Variants in TAF4B observed in about 807,000 individuals in gnomAD.
TAF4B encodes TATA-box binding protein associated factor 4b, also known as transcription initiation factor TFIID subunit 4B.
Under a neutral mutation model 86.4 loss-of-function variants are expected in TAF4B, and 38 were observed. That is an observed-to-expected ratio of 0.44 (90% confidence interval 0.34 to 0.58). The LOEUF (loss-of-function observed/expected upper bound fraction) is 0.58, where lower values mean the gene tolerates loss of function less well. TAF4B is among the 20% of genes least tolerant of loss of function. The pLI is 0.02. For synonymous variants in TAF4B, 388 were observed against 391.2 expected, an observed-to-expected ratio of 0.99 and a Z score of 0.10; for missense variants, 988 against 1,027.6, an observed-to-expected ratio of 0.96 and a Z score of 0.53.
intron 9 of TAF4B, among the ~76,000 whole-genome samples, chr18:26,311,935 A>G (rs1444191455): frequency 6.6e-6 from 1 of 152,218 alleles, no homozygotes; most frequent in Non-Finnish European, 1.5e-5. Context: ...CAAAAGCTAA[A>G]GAATTAGATC....
chr18:26,379,192 G>T (rs1266663642), intron 14 of TAF4B, among the ~76,000 whole-genome samples: 1 of 152,090 alleles, frequency 6.6e-6, no homozygotes, highest in Non-Finnish European at 1.5e-5. Flanking sequence ...TTTTGGAGGA[G>T]CAGAAGGTTT....
chr18:26,250,822 TA>T (rs1182663731), intron 1 of TAF4B, among the ~76,000 whole-genome samples: 1 of 152,184 alleles, frequency 6.6e-6, no homozygotes, highest in Non-Finnish European at 1.5e-5. Flanking sequence ...AACCTATCCT[TA>T]AAAAATGAAA....
Position 26,227,297 on chromosome 18 carries a change from A to G in TAF4B, c.343+21A>G, listed in dbSNP as rs200837303. 6.9e-5 allele frequency: 110 copies of G among 1,600,036 alleles called. 1 individual carries two copies. In the East Asian group the frequency reaches 2.4e-3, roughly 35 times the overall value. Reference sequence around the variant, plus strand: ...TCCAGGTATGTTGATAACCCTTTCCAGCCTTGTCTGTCGGTCCAGCTGGCG... The same window carrying G: ...TCCAGGTATGTTGATAACCCTTTCCGGCCTTGTCTGTCGGTCCAGCTGGCG... On this transcript the variant is annotated intron_variant, in intron 1 of 14. Transcript: ENST00000269142.
intron 5 of TAF4B, among the ~76,000 whole-genome samples, chr18:26,277,954 G>A (rs1041818393): frequency 2.6e-5 from 4 of 152,184 alleles, no homozygotes; most frequent in Admixed American, 2.6e-4. Context: ...ATTTTGGCTG[G>A]AGAGCTTTAA....
intron 9 of TAF4B, among the ~76,000 whole-genome samples, chr18:26,313,405 T>C (rs904844072): frequency 4.6e-5 from 7 of 152,248 alleles, no homozygotes; most frequent in Admixed American, 4.6e-4. Context: ...TGTTTAAATC[T>C]GGACACATTG....
chr18:26,353,845 A>C (rs1341109233), intron 13 of TAF4B, among the ~76,000 whole-genome samples: 2 of 152,130 alleles, frequency 1.3e-5, no homozygotes, highest in African/African-American at 4.8e-5. Context: ...CAAAAGTTTT[A>C]ATTTTGATGC....
At chr18:26,243,528 C>T (rs779241748) in intron 1 of TAF4B, among the ~76,000 whole-genome samples, 2 of 152,120 alleles carry the variant, frequency 1.3e-5, no homozygotes, top group Non-Finnish European at 2.9e-5. Flanking sequence ...GTTCAAACAT[C>T]CTCCTTTAGC....
At chr18:26,246,725 G>C (rs988899750) in intron 1 of TAF4B, among the ~76,000 whole-genome samples, 2 of 151,950 alleles carry the variant, frequency 1.3e-5, no homozygotes, top group African/African-American at 4.8e-5. Flanking sequence ...TAGAGATGGG[G>C]CTTCACAATA....
At chr18:26,308,996 A>G (rs2056826268) in intron 9 of TAF4B, among the ~76,000 whole-genome samples, 1 of 151,974 alleles carries the variant, frequency 6.6e-6, no homozygotes, top group African/African-American at 2.4e-5. Context: ...TATACTATAG[A>G]TCAGCAGTCT....
intron 5 of TAF4B, among the ~76,000 whole-genome samples, chr18:26,279,232 C>G: frequency 6.6e-6 from 1 of 152,082 alleles, no homozygotes. Flanking sequence ...CAAAAATGTT[C>G]TAGCTAAGAG....
intron 14 of TAF4B, among the ~76,000 whole-genome samples, chr18:26,366,669 A>C (rs2057373698): frequency 6.6e-6 from 1 of 152,220 alleles, no homozygotes; most frequent in South Asian, 2.1e-4. Context: ...TTGTAAGGAA[A>C]CAATAGAAGA....
chr18:26,376,313 A>G (rs999729423), intron 14 of TAF4B, among the ~76,000 whole-genome samples: 1 of 151,914 alleles, frequency 6.6e-6, no homozygotes, highest in African/African-American at 2.4e-5. Context: ...CAACTCAGCA[A>G]TATTAAATAG....
At chr18:26,358,699 G>A (rs1471161021) in intron 14 of TAF4B, among the ~76,000 whole-genome samples, 1 of 152,164 alleles carries the variant, frequency 6.6e-6, no homozygotes, top group African/African-American at 2.4e-5. Context: ...GACAGAGCGA[G>A]ACTCCGTCTC....
intron 5 of TAF4B, among the ~76,000 whole-genome samples, chr18:26,275,895 A>G (rs1478545478): frequency 6.6e-6 from 1 of 151,982 alleles, no homozygotes; most frequent in Admixed American, 6.6e-5. Flanking sequence ...GCACGCCTGT[A>G]ATCCCAGCTA....
rs74772377 is a variant in TAF4B at position 26,388,635 on chromosome 18, C to T, written c.2422-1210C>T. ...GATGAGTAGATTGGCCTAGAATGGC[C>T]TCTTTGCTAATCTCTGCCTATTGGC... is the stretch of plus-strand genomic sequence containing the variant. On this transcript the variant is annotated intron_variant, in intron 14 of 14. Coordinates refer to ENST00000269142, the MANE Select transcript of TAF4B (RefSeq NM_005640.3). Among the ~76,000 whole-genome samples the T allele has an allele frequency of 2.7e-4, 41 of 152,284 alleles. No individual in the cohort carries two copies. In the East Asian group the frequency reaches 7.5e-3, roughly 28 times the overall value.
At chr18:26,274,885 GCTCA>G in intron 4 of TAF4B, 42 bp from the exon 5 acceptor site, 1 of 1,612,384 alleles carries the variant, frequency 6.2e-7, no homozygotes, top group Non-Finnish European at 8.5e-7. Flanking sequence ...TGAATTGTTT[GCTCA>G]CTAACACTTG....
chr18:26,388,055 C>T (rs1478157369), intron 14 of TAF4B, among the ~76,000 whole-genome samples: 1 of 152,116 alleles, frequency 6.6e-6, no homozygotes, highest in Non-Finnish European at 1.5e-5. Flanking sequence ...AGTAACAGAA[C>T]CAGATTTTCT....
At chr18:26,295,292 A>G (rs2056648995) in intron 9 of TAF4B, 21 of 307,112 alleles carry the variant, frequency 6.8e-5, no homozygotes, top group South Asian at 5.9e-4. Context: ...TCTGCTGGTA[A>G]ATTCCTCAGG....
intron 9 of TAF4B, among the ~76,000 whole-genome samples, chr18:26,293,975 C>T (rs2056630206): frequency 6.6e-6 from 1 of 152,050 alleles, no homozygotes; most frequent in African/African-American, 2.4e-5. Flanking sequence ...GAATATTAGA[C>T]GATGGTTCTT....
Sources: allele counts gnomAD v4.1 joint callset (sites outside exome capture counted in the v4.1 genomes callset), GRCh38; gene constraint gnomAD v4.1.1; transcripts MANE v1.5; gene names NCBI Gene and HGNC (gene_info 2026-07-23, HGNC 2026-07-21).